DMD: variants seen among roughly 807,000 people sequenced by gnomAD.
DMD encodes the protein dystrophin, also known as mutant dystrophin.
In DMD, 63 loss-of-function variants were observed where a neutral mutation model predicts 330.1. That is an observed-to-expected ratio of 0.19 (90% confidence interval 0.16 to 0.24). DMD has a LOEUF of 0.24. Among genes scored for constraint, DMD ranks in the 10% least tolerant of loss-of-function variants. The probability of loss-of-function intolerance (pLI) is 1.00; values close to 1 mark genes in which losing one functional copy is unlikely to be tolerated. For synonymous variants in DMD, 1,223 were observed against 959.8 expected (o/e 1.27, Z -5.07); for missense variants, 3,344 against 2,684.1 (o/e 1.25, Z -5.43).
intron 44 of DMD, among the ~76,000 whole-genome samples, chrX:32,026,745 C>A (rs1389657860): frequency 9.0e-6 from 1 of 111,609 alleles, no homozygotes; most frequent in African/African-American, 3.3e-5. Flanking sequence ...CAAAGAGATC[C>A]CACAATTTTA....
intron 43 of DMD, among the ~76,000 whole-genome samples, chrX:32,252,795 T>G (rs866525909): frequency 2.1e-5 from 1 of 46,963 alleles, no homozygotes; most frequent in Non-Finnish European, 3.1e-5. Flanking sequence ...TATATATAAA[T>G]ATATATATAA....
chrX:32,873,078 G>T (rs770984708), intron 2 of DMD, among the ~76,000 whole-genome samples: 1 of 111,080 alleles, frequency 9.0e-6, no homozygotes, highest in African/African-American at 3.3e-5. Flanking sequence ...CCCAGCCTCC[G>T]ATTCTTTTAG....
At chrX:33,050,826 G>A (rs1370897141) in intron 1 of DMD, among the ~76,000 whole-genome samples, 1 of 112,281 alleles carries the variant, frequency 8.9e-6, no homozygotes, top group Non-Finnish European at 1.9e-5. Flanking sequence ...CTCAATACCT[G>A]TGTAGCCATT....
At chrX:31,709,618 T>TG (rs2084479275) in intron 52 of DMD, among the ~76,000 whole-genome samples, 1 of 98,322 alleles carries the variant, frequency 1.0e-5, no homozygotes, top group Non-Finnish European at 2.1e-5. Flanking sequence ...GTGTGTGTGG[T>TG]GTGTCAGAGA....
chrX:31,267,605 G>T (rs187117331), intron 62 of DMD, among the ~76,000 whole-genome samples: 3 of 112,616 alleles, frequency 2.7e-5, no homozygotes, highest in South Asian at 3.7e-4. Context: ...CACTGGTATG[G>T]ACTCTCTAAA....
intron 63 of DMD, among the ~76,000 whole-genome samples, chrX:31,247,008 G>A (rs1569500226): frequency 9.0e-6 from 1 of 111,529 alleles, no homozygotes; most frequent in Non-Finnish European, 1.9e-5. Context: ...GGATGACAGC[G>A]TATCTGTTTA....
chrX:31,965,280 A>G (rs2095341510), intron 45 of DMD, among the ~76,000 whole-genome samples: 1 of 111,686 alleles, frequency 9.0e-6, no homozygotes, highest in Non-Finnish European at 1.9e-5. Context: ...ACAGCTGGCT[A>G]GGATCATTTT....
In DMD at chrX:32,595,644, T is replaced by C. The variant is rs766673683; in HGVS notation, c.1602+113A>G. ...TATGAGTGTGTGTATATTGTACACA[T>C]ATTGTATTCTAAGTATTTTAATATA... On this transcript the variant is annotated intron_variant, in intron 13 of 78. Transcript: ENST00000357033. The C allele has an allele frequency of 3.2e-5, 23 of 709,954 alleles. No individual in the cohort carries two copies. The African/African-American group carries it at 4.3e-4, about 13-fold the overall frequency. 58.5% of individuals were successfully genotyped at this position (709,954 alleles called of 1,213,427 possible).
intron 41 of DMD, among the ~76,000 whole-genome samples, chrX:32,327,634 C>A (rs1469102901): frequency 4.5e-5 from 5 of 111,431 alleles, no homozygotes; most frequent in Non-Finnish European, 7.5e-5. Flanking sequence ...ATGTGCTCTA[C>A]TTTACAATCC....
chrX:32,609,863 AT>A (rs761151280), intron 12 of DMD, among the ~76,000 whole-genome samples: 122 of 111,533 alleles, frequency 1.1e-3, no homozygotes, highest in African/African-American at 3.8e-3. Context: ...TTATGCATCT[AT>A]GCACAAAAGT....
At chrX:32,320,750 T>C (rs1373845468) in intron 41 of DMD, among the ~76,000 whole-genome samples, 1 of 112,046 alleles carries the variant, frequency 8.9e-6, no homozygotes, top group Non-Finnish European at 1.9e-5. Context: ...GATTTGTTTC[T>C]TTTTCAAATT....
At chrX:32,481,456 T>C (rs888644654) in intron 21 of DMD, among the ~76,000 whole-genome samples, 2 of 111,514 alleles carry the variant, frequency 1.8e-5, no homozygotes, top group African/African-American at 6.5e-5. Flanking sequence ...TGAAATTCTT[T>C]CGGAAATGTC....
At chrX:33,065,237 C>T (rs898831734) in intron 1 of DMD, among the ~76,000 whole-genome samples, 4 of 112,091 alleles carry the variant, frequency 3.6e-5, no homozygotes, top group African/African-American at 1.3e-4. Context: ...CAGCCAATCA[C>T]AATAGTGGAT....
chrX:32,698,055 C>A (rs1228183956), intron 8 of DMD, 57 bp from the exon 9 acceptor site: 5 of 1,103,075 alleles, frequency 4.5e-6, no homozygotes, highest in Non-Finnish European at 3.7e-6. Context: ...CCATAAGTAA[C>A]CCGAAAGGAC....
At chrX:32,734,392 G>T (rs2068134803) in intron 7 of DMD, among the ~76,000 whole-genome samples, 1 of 101,705 alleles carries the variant, frequency 9.8e-6, no homozygotes, top group Non-Finnish European at 1.9e-5. Flanking sequence ...GAAAAAGAGG[G>T]AATCCTCCCT....
intron 1 of DMD, among the ~76,000 whole-genome samples, chrX:33,177,367 G>A (rs1461980700): frequency 5.4e-5 from 6 of 111,303 alleles, no homozygotes; most frequent in Admixed American, 9.5e-5. Context: ...GTATACAAAC[G>A]GAAATTTTAT....
intron 19 of DMD, among the ~76,000 whole-genome samples, chrX:32,495,812 T>C (rs1286457290): frequency 8.9e-6 from 1 of 111,975 alleles, no homozygotes; most frequent in Non-Finnish European, 1.9e-5. Flanking sequence ...ATCTGAAAAG[T>C]TTTAAGTATC....
intron 47 of DMD, among the ~76,000 whole-genome samples, chrX:31,883,779 T>C (rs1413953352): frequency 9.0e-6 from 1 of 111,704 alleles, no homozygotes; most frequent in Non-Finnish European, 1.9e-5. Flanking sequence ...AAATAAATTA[T>C]GGTTTTGATT....
intron 2 of DMD, among the ~76,000 whole-genome samples, chrX:32,885,265 C>T (rs2084406271): frequency 9.0e-6 from 1 of 111,094 alleles, no homozygotes; most frequent in Admixed American, 9.6e-5. Context: ...ATATTGTACC[C>T]CTGTGGTGTT....
Sources: gnomAD v4.1 joint callset for allele counts (sites outside exome capture counted in the v4.1 genomes callset) on GRCh38, gnomAD v4.1.1 for gene constraint, MANE v1.5 for transcripts, NCBI Gene and HGNC (gene_info 2026-07-23, HGNC 2026-07-21) for gene names.